CCDC187: variants seen among roughly 807,000 people sequenced by gnomAD.
CCDC187 encodes the protein coiled-coil domain containing 187.
In CCDC187, 32 loss-of-function variants were observed where a neutral mutation model predicts 38.0. That is an observed-to-expected ratio of 0.84 (90% CI 0.64 to 1.13). CCDC187 has a LOEUF of 1.13. Ranked by LOEUF, CCDC187 falls within the 50% of genes most tolerant of loss-of-function variation. CCDC187 has a pLI of 0.00. For missense variants in CCDC187, 707 were observed against 786.8 expected, an observed-to-expected ratio of 0.90 and a Z score of 1.21; for synonymous variants, 333 against 347.9, an observed-to-expected ratio of 0.96 and a Z score of 0.48.
chr9:136,295,169 G>C (rs1446358527), intron 4 of CCDC187, among the ~76,000 whole-genome samples: 2 of 152,234 alleles, frequency 1.3e-5, no homozygotes, highest in Non-Finnish European at 2.9e-5. Flanking sequence ...TGGGTTTCGG[G>C]GGGGACCCAG....
intron 16 of CCDC187, 126 bp downstream of exon 16, chr9:136,267,258 A>C (rs1223701832): frequency 1.6e-6 from 1 of 607,378 alleles, no homozygotes; most frequent in Non-Finnish European, 2.1e-6. Flanking sequence ...CTTGTTTCTC[A>C]AAACGCTGTC....
chr9:136,263,111 C>T (rs1450251392), intron 18 of CCDC187, among the ~76,000 whole-genome samples: 2 of 151,722 alleles, frequency 1.3e-5, no homozygotes, highest in Non-Finnish European at 2.9e-5. Flanking sequence ...TGAAGTCTGG[C>T]TCTGCTCTAG....
chr9:136,293,443 T>TCA (rs1276198478), intron 4 of CCDC187, among the ~76,000 whole-genome samples: 22 of 32,918 alleles, frequency 6.7e-4, no homozygotes, highest in Non-Finnish European at 9.2e-4. Context: ...GCTCACACAC[T>TCA]CACACATGCT....
chr9:136,285,798 G>A (rs927172019), intron 8 of CCDC187, 192 bp from the exon 9 acceptor site: 6 of 397,036 alleles, frequency 1.5e-5, no homozygotes, highest in Non-Finnish European at 1.8e-5. Context: ...CACTGGAGCG[G>A]CCTCACCCTT....
chr9:136,269,926 A>T (rs1020791220), intron 14 of CCDC187, among the ~76,000 whole-genome samples: 2 of 152,230 alleles, frequency 1.3e-5, no homozygotes, highest in Non-Finnish European at 2.9e-5. Context: ...GTGTAAACTG[A>T]TGAAAATTAA....
chr9:136,293,442 C>CA lies in CCDC187; in HGVS notation c.833-1148_833-1147insT, dbSNP rs1831421357. Among the ~76,000 whole-genome samples the CA allele has an allele frequency of 2.5e-3, 86 of 33,904 alleles. 5 individuals are homozygous for CA. Among genetic ancestry groups the CA allele is most frequent in the Non-Finnish European group, 1.3e-3 (18 of 13,768 alleles). 22.2% of individuals were successfully genotyped at this position (33,904 alleles called of 152,430 possible). ...TCACATACTCTCACATGCTCACACA[C>CA]TCACACATGCTCACACTCACACTCA... On this transcript the variant is annotated intron_variant, in intron 4 of 25. Coordinates refer to ENST00000638797, the MANE Select transcript of CCDC187 (RefSeq NM_001378188.1).
rs1033878741 is a variant in CCDC187, at chr9:136,256,285, T to C, written c.4542A>G (p.Glu1514=). ...GGCTCTCAGCAAAATCCAGCCCCGATTCCAAGCCCTCTTCGCTCATGCTGT... is the reference window on the plus strand; with the variant it reads ...GGCTCTCAGCAAAATCCAGCCCCGACTCCAAGCCCTCTTCGCTCATGCTGT... ...AEDSMSEEGL[E]SGLDFAESPV... The change falls in exon 24 of 26, where the codon GAA becomes GAG. Residue 1514 remains glutamate, a synonymous_variant. Coordinates refer to ENST00000638797, the MANE Select transcript of CCDC187 (RefSeq NM_001378188.1). 1.0e-5 allele frequency: 10 copies of C among 985,436 alleles called. No individual in the cohort carries two copies. The African/African-American group carries it at 1.6e-4, about 15-fold the overall frequency. The allele number at this position is 985,436 out of a possible 1,614,324, so 61.0% of individuals were successfully genotyped here.
At chr9:136,272,059 A>T (rs1223211205) in intron 14 of CCDC187, among the ~76,000 whole-genome samples, 1 of 152,192 alleles carries the variant, frequency 6.6e-6, no homozygotes, top group Non-Finnish European at 1.5e-5. Context: ...TGCACCTAGA[A>T]TTCTATGTCC....
Position 136,257,791 on chromosome 9 carries a change from C to T in CCDC187, c.4367-950G>A, listed in dbSNP as rs1830631996. 6.6e-6 allele frequency among the ~76,000 whole-genome samples: 1 copy of T among 152,242 alleles called. No homozygotes were observed. Among genetic ancestry groups the T allele is most frequent in the African/African-American group, 2.4e-5 (1 of 41,450 alleles). The stretch of plus-strand genomic sequence containing the variant: ...AACACCTGCCCTCTTGTCCGTGGCT[C>T]CGGGTGACCCCAGCGACCACAATGG... On this transcript the variant is annotated intron_variant, in intron 22 of 25. Transcript: ENST00000638797. The surrounding 1 kb of genome is among the most constrained non-coding windows in gnomAD (Gnocchi z 4.5).
At chr9:136,288,861 G>A (rs1045480488) in intron 7 of CCDC187, among the ~76,000 whole-genome samples, 5 of 152,252 alleles carry the variant, frequency 3.3e-5, no homozygotes, top group Admixed American at 2.0e-4. Flanking sequence ...GAACCAGGGC[G>A]GCTGCTGTGG....
At position 136,267,369 on chromosome 9, in the gene CCDC187, G is replaced by C. The variant is rs868980297; in HGVS notation, c.3647+15C>G. 1 of 985,468 alleles carries C rather than the reference G, an allele frequency of 1.0e-6. No homozygotes were observed. The highest frequency in any genetic ancestry group is 1.2e-6 in the Non-Finnish European group (1 of 829,980). 61.0% of individuals were successfully genotyped at this position (985,468 alleles called of 1,614,324 possible). A position where few individuals can be genotyped will look rare whatever the true frequency, so the allele number is the denominator to read the frequency against. ...CTACGGCGGGGCGGGGCCGGCGCCA[G>C]GCGCATGCGCTCACCCTCGTCGATG... On this transcript the variant is annotated intron_variant, in intron 16 of 25. Transcript: ENST00000638797.
chr9:136,280,738 G>A (rs1281893712), intron 10 of CCDC187, among the ~76,000 whole-genome samples: 1 of 152,154 alleles, frequency 6.6e-6, no homozygotes, highest in Non-Finnish European at 1.5e-5. Context: ...CCTGGCACTG[G>A]CCCTGCAGCA....
intron 14 of CCDC187, among the ~76,000 whole-genome samples, chr9:136,270,354 C>T (rs1830819917): frequency 1.3e-5 from 2 of 152,224 alleles, no homozygotes; most frequent in South Asian, 4.2e-4. Context: ...ATCACTGAGT[C>T]GTCCAAGTGA....
At chr9:136,301,655 C>T (rs1052887217) in intron 2 of CCDC187, among the ~76,000 whole-genome samples, 12 of 144,198 alleles carry the variant, frequency 8.3e-5, no homozygotes, top group Non-Finnish European at 6.0e-5. Context: ...GGCGCAATCT[C>T]GACTCACTGC....
At chr9:136,269,529 T>A (rs1554762093) in intron 14 of CCDC187, among the ~76,000 whole-genome samples, 2 of 152,050 alleles carry the variant, frequency 1.3e-5, no homozygotes, top group African/African-American at 4.8e-5. Flanking sequence ...GCGCCTGTAG[T>A]CCCAGGTACT....
chr9:136,303,472 C>A (rs1351811604), intron 1 of CCDC187, among the ~76,000 whole-genome samples, 179 bp from the exon 2 acceptor site: 2 of 152,236 alleles, frequency 1.3e-5, no homozygotes, highest in African/African-American at 4.8e-5. Flanking sequence ...AAGCCCTGAC[C>A]ACACCCCTCT....
chr9:136,263,235 CT>C (rs35662036), intron 18 of CCDC187, among the ~76,000 whole-genome samples: 1,364 of 94,102 alleles, frequency 0.014, 23 homozygotes, highest in African/African-American at 0.042. Context: ...GGGCCACAGG[CT>C]TTTTTTTTTT....
rs1049217820 is a variant in CCDC187 at position 136,254,442 on chromosome 9, C to A, written c.5386G>T (p.Gly1796Cys). The A allele has an allele frequency of 5.1e-6, 5 of 985,278 alleles. No homozygotes were observed. Among genetic ancestry groups the A allele is most frequent in the African/African-American group, 1.7e-5 (1 of 57,214 alleles). The allele number at this position is 985,278 out of a possible 1,614,324, so 61.0% of individuals were successfully genotyped here. ...GGAGGAGCCACCTGGGGCTCCACGC[C>A]GCTTCCAAGGCCCAGTGAGCCACCT... ...PAGGSLGLGS[G>C]VEPQVAPPSP... Residue 1796 changes from glycine (G) to cysteine (C), a missense_variant, in exon 26 of 26, where the codon GGC (glycine) becomes TGC (cysteine). By Grantham distance (159) the Gly-to-Cys change is radical. Transcript: ENST00000638797.
intron 10 of CCDC187, among the ~76,000 whole-genome samples, chr9:136,277,466 A>G (rs1304952511): frequency 1.1e-4 from 2 of 17,984 alleles, no homozygotes; most frequent in Admixed American, 1.5e-3. Context: ...GGGTGCTGAC[A>G]GGGTGGGTGG....
Sources: gnomAD v4.1 joint callset for allele counts (sites outside exome capture counted in the v4.1 genomes callset) on GRCh38, gnomAD v4.1.1 for gene constraint, Gnocchi (gnomAD v3.1) non-coding constraint, MANE v1.5 for transcripts, NCBI Gene and HGNC (gene_info 2026-07-23, HGNC 2026-07-21) for gene names.